Variants in ANKRD9 observed in about 807,000 individuals in gnomAD.
ANKRD9 encodes ankyrin repeat domain 9.
Under a neutral mutation model 19.2 loss-of-function variants are expected in ANKRD9, and 13 were observed. That is an observed-to-expected ratio of 0.68 (90% CI 0.44 to 1.08). The LOEUF (loss-of-function observed/expected upper bound fraction) is 1.08, where lower values mean the gene tolerates loss of function less well. Among genes scored for constraint, ANKRD9 ranks in the 50% least tolerant of loss-of-function variants. The probability of loss-of-function intolerance (pLI) is 0.00; values close to 1 mark genes in which losing one functional copy is unlikely to be tolerated. For synonymous variants in ANKRD9, 278 were observed against 256.8 expected, an observed-to-expected ratio of 1.08 and a Z score of -0.79; for missense variants, 518 against 499.9, an observed-to-expected ratio of 1.04 and a Z score of -0.34.
In ANKRD9 at chr14:102,503,402, G is replaced by C. The variant is rs1891499835; in HGVS notation, c.*3534C>G. 1.4e-5 allele frequency: 2 copies of C among 148,046 alleles called. No individual in the cohort carries two copies. 9.2% of individuals were successfully genotyped at this position (148,046 alleles called of 1,614,324 possible). A position where few individuals can be genotyped will look rare whatever the true frequency, so the allele number is the denominator to read the frequency against. ...GGGTTCAAGCAATTCTCCTGCCTCA[G>C]CCTCCTGAGTAGCTGGGAGTACAGG... is the stretch of plus-strand genomic sequence containing the variant. On this transcript the variant is annotated 3_prime_UTR_variant, in exon 4 of 4. Coordinates refer to ENST00000286918, the MANE Select transcript of ANKRD9 (RefSeq NM_152326.4).
In ANKRD9 at chr14:102,503,617, CATGT is replaced by C. The variant is rs1327209823; in HGVS notation, c.*3315_*3318del. 1 of 152,156 alleles carries C rather than the reference CATGT, an allele frequency of 6.6e-6. No homozygotes were observed. The highest frequency in any genetic ancestry group is 1.5e-5 in the Non-Finnish European group (1 of 68,050). The allele number at this position is 152,156 out of a possible 1,614,324, so 9.4% of individuals were successfully genotyped here. A position where few individuals can be genotyped will look rare whatever the true frequency, so the allele number is the denominator to read the frequency against. ...TCTTGATTGCAGTGGTGATTACACA[CATGT>C]AGACATTCATCAGAACTCATCAAAG... On this transcript the variant is annotated 3_prime_UTR_variant, in exon 4 of 4. Transcript: ENST00000286918.
rs1177298838 is a variant in ANKRD9 at position 102,502,239 on chromosome 14, AG to A, written c.*4696del. On this transcript the variant is annotated 3_prime_UTR_variant, in exon 4 of 4. Coordinates refer to ENST00000286918, the MANE Select transcript of ANKRD9 (RefSeq NM_152326.4). ...AGAGGGAGAAAGGGAGAGAAGGGGG[AG>A]GGAGACAACCCAAACGTTGGAGGGT... 2 of 152,536 alleles carry A rather than the reference AG, an allele frequency of 1.3e-5. No individual in the cohort carries two copies. The highest frequency in any genetic ancestry group is 4.8e-5 in the African/African-American group (2 of 41,444). 9.4% of individuals were successfully genotyped at this position (152,536 alleles called of 1,614,324 possible). A position where few individuals can be genotyped will look rare whatever the true frequency, so the allele number is the denominator to read the frequency against.
In ANKRD9 at chr14:102,508,896, T is replaced by G. The variant is rs889962627; in HGVS notation, c.-334-50A>C. ...CAGTTTGGGCTCATTCCAGAATTGG[T>G]GGGGACCCCCAACCCACAGGCAATC... is the stretch of plus-strand genomic sequence containing the variant. On this transcript the variant is annotated intron_variant, in intron 1 of 3. Transcript: ENST00000286918. The surrounding 1 kb of genome is among the most constrained non-coding windows in gnomAD (Gnocchi z 6.2). 28 of 152,168 alleles carry G rather than the reference T, an allele frequency of 1.8e-4. No homozygotes were observed. The highest frequency in any genetic ancestry group is 6.5e-4 in the African/African-American group (27 of 41,404). 9.4% of individuals were successfully genotyped at this position (152,168 alleles called of 1,614,324 possible). A position where few individuals can be genotyped will look rare whatever the true frequency, so the allele number is the denominator to read the frequency against.
chr14:102,506,917 C>A lies in ANKRD9; in HGVS notation c.*19G>T, dbSNP rs1462229585. 2 of 1,460,252 alleles carry A rather than the reference C, an allele frequency of 1.4e-6. No individual in the cohort carries two copies. The highest frequency in any genetic ancestry group is 1.8e-6 in the Non-Finnish European group (2 of 1,105,528). The allele number at this position is 1,460,252 out of a possible 1,614,324, so 90.5% of individuals were successfully genotyped here. On this transcript the variant is annotated 3_prime_UTR_variant, in exon 4 of 4. Transcript: ENST00000286918. ...AAAATAGTTTTGTCCCAAAATCCAG[C>A]GCCTAGGGTGCTCCGGGCCTAGCCT...
At position 102,505,141 on chromosome 14, in the gene ANKRD9, T is replaced by G. The variant is rs963642864; in HGVS notation, c.*1795A>C. 1 of 152,408 alleles carries G rather than the reference T, an allele frequency of 6.6e-6. No homozygotes were observed. Among genetic ancestry groups the G allele is most frequent in the African/African-American group, 2.4e-5 (1 of 41,424 alleles). The allele number at this position is 152,408 out of a possible 1,614,324, so 9.4% of individuals were successfully genotyped here. ...TGGGGAGACATGAAGTCTGCACATCTAGACCCCAGTGAGGAGCCCAGGCTT... is the reference window on the plus strand; with the variant it reads ...TGGGGAGACATGAAGTCTGCACATCGAGACCCCAGTGAGGAGCCCAGGCTT... On this transcript the variant is annotated 3_prime_UTR_variant, in exon 4 of 4. Transcript: ENST00000286918.
At position 102,506,377 on chromosome 14, in the gene ANKRD9, G is replaced by A. The variant is rs1432182380; in HGVS notation, c.*559C>T. 1 of 152,422 alleles carries A rather than the reference G, an allele frequency of 6.6e-6. No homozygotes were observed. Among genetic ancestry groups the A allele is most frequent in the African/African-American group, 2.4e-5 (1 of 41,458 alleles). The allele number at this position is 152,422 out of a possible 1,614,324, so 9.4% of individuals were successfully genotyped here. Reference sequence around the variant, plus strand: ...GGGTGGGCTGCCTGTCAGGGGGAGTGATATCCAAGGAGGAACTGGTGGTCA... The same window carrying A: ...GGGTGGGCTGCCTGTCAGGGGGAGTAATATCCAAGGAGGAACTGGTGGTCA... On this transcript the variant is annotated 3_prime_UTR_variant, in exon 4 of 4. Coordinates refer to ENST00000286918, the MANE Select transcript of ANKRD9 (RefSeq NM_152326.4).
At position 102,508,399 on chromosome 14, in the gene ANKRD9, C is replaced by T. The variant is rs1266684741; in HGVS notation, c.-54+76G>A. ...CCAAGCGCAACCCTGACCCTGATCTCCGACCCCAGACCACTTGGAGGCCCC... is the reference window on the plus strand; with the variant it reads ...CCAAGCGCAACCCTGACCCTGATCTTCGACCCCAGACCACTTGGAGGCCCC... On this transcript the variant is annotated intron_variant, in intron 3 of 3. Transcript: ENST00000286918. The surrounding 1 kb of genome is among the most constrained non-coding windows in gnomAD (Gnocchi z 6.2). 6.6e-6 allele frequency: 1 copy of T among 152,306 alleles called. No individual in the cohort carries two copies. The highest frequency in any genetic ancestry group is 2.4e-5 in the African/African-American group (1 of 41,444). 9.4% of individuals were successfully genotyped at this position (152,306 alleles called of 1,614,324 possible).
rs1891526091 is a variant in ANKRD9 at position 102,504,328 on chromosome 14, A to G, written c.*2608T>C. 1 of 153,210 alleles carries G rather than the reference A, an allele frequency of 6.5e-6. No homozygotes were observed. Among genetic ancestry groups the G allele is most frequent in the Non-Finnish European group, 1.5e-5 (1 of 68,040 alleles). The allele number at this position is 153,210 out of a possible 1,614,324, so 9.5% of individuals were successfully genotyped here. A position where few individuals can be genotyped will look rare whatever the true frequency, so the allele number is the denominator to read the frequency against. ...AACCAAGGTGCTTCACCCCCCAAAA[A>G]AGTGAGTTTTGTTCTGCGTGGAGCG... is the stretch of plus-strand genomic sequence containing the variant. On this transcript the variant is annotated 3_prime_UTR_variant, in exon 4 of 4. Transcript: ENST00000286918.
Position 102,508,064 on chromosome 14 carries a change from C to A in ANKRD9, c.-53-122G>T. 1.7e-6 allele frequency: 1 copy of A among 597,798 alleles called. No individual in the cohort carries two copies. Among genetic ancestry groups the A allele is most frequent in the Non-Finnish European group, 2.2e-6 (1 of 459,624 alleles). 37.0% of individuals were successfully genotyped at this position (597,798 alleles called of 1,614,324 possible). On this transcript the variant is annotated intron_variant, in intron 3 of 3. Coordinates refer to ENST00000286918, the MANE Select transcript of ANKRD9 (RefSeq NM_152326.4). The surrounding 1 kb of genome is among the most constrained non-coding windows in gnomAD (Gnocchi z 6.2). The stretch of plus-strand genomic sequence containing the variant: ...CACCAGGCCTGTACCTACCTCCAGC[C>A]TCGGCCAGGCCCTTCCAGTCACCCT...
Position 102,506,796 on chromosome 14 carries a change from A to G in ANKRD9, c.*140T>C. 8.3e-7 allele frequency: 1 copy of G among 1,198,456 alleles called. No individual in the cohort carries two copies. The highest frequency in any genetic ancestry group is 1.1e-6 in the Non-Finnish European group (1 of 948,302). The allele number at this position is 1,198,456 out of a possible 1,614,324, so 74.2% of individuals were successfully genotyped here. On this transcript the variant is annotated 3_prime_UTR_variant, in exon 4 of 4. Transcript: ENST00000286918. Reference sequence around the variant, plus strand: ...AAACCTGCCACTTGGAACTCACCTGACCATCCAAGCCCAGCCCCCAGTGCA... The same window carrying G: ...AAACCTGCCACTTGGAACTCACCTGGCCATCCAAGCCCAGCCCCCAGTGCA...
rs888388064 is a variant in ANKRD9, at chr14:102,508,108, C to T, written c.-53-166G>A. On this transcript the variant is annotated intron_variant, in intron 3 of 3. Coordinates refer to ENST00000286918, the MANE Select transcript of ANKRD9 (RefSeq NM_152326.4). The surrounding 1 kb of genome is among the most constrained non-coding windows in gnomAD (Gnocchi z 6.2). The stretch of plus-strand genomic sequence containing the variant: ...TCACCCTACAGCTCCATCTCTCCGA[C>T]GCCCAGAACCACCGCCTCCATCCTT... Among the ~76,000 whole-genome samples the T allele has an allele frequency of 1.3e-5, 2 of 152,144 alleles. No individual in the cohort carries two copies. The highest frequency in any genetic ancestry group is 1.5e-5 in the Non-Finnish European group (1 of 68,006).
In ANKRD9 at chr14:102,507,207, C is replaced by T; in HGVS notation, c.683G>A (p.Arg228His). Residue 228 changes from arginine to histidine, a missense_variant, in exon 4 of 4, where the codon CGC (arginine) becomes CAC (histidine). Transcript: ENST00000286918. This position sits in a 1 kb window ranked among gnomAD's most constrained non-coding sequence, Gnocchi z 9.2. ...ASAPGEPRQR[R>H]LLLLDLLALY... is the part of the protein sequence containing the mutation. The stretch of plus-strand genomic sequence containing the variant: ...CGCCAGGAGGTCCAGCAGCAGCAGG[C>T]GGCGCTGGCGCGGCTCCCCGGGAGC... 7.7e-7 allele frequency: 1 copy of T among 1,293,296 alleles called. No homozygotes were observed. The highest frequency in any genetic ancestry group is 9.8e-7 in the Non-Finnish European group (1 of 1,022,898). 80.1% of individuals were successfully genotyped at this position (1,293,296 alleles called of 1,614,324 possible).
Position 102,502,524 on chromosome 14 carries a change from A to G in ANKRD9, c.*4412T>C, listed in dbSNP as rs1443523316. 6.6e-6 allele frequency: 1 copy of G among 152,646 alleles called. No individual in the cohort carries two copies. Among genetic ancestry groups the G allele is most frequent in the Non-Finnish European group, 1.5e-5 (1 of 68,042 alleles). 9.5% of individuals were successfully genotyped at this position (152,646 alleles called of 1,614,324 possible). ...TTTGTTATCAAGGCTGGTTGAGTCAAATATCACAAAGTAGACACCAATGAC... is the reference window on the plus strand; with the variant it reads ...TTTGTTATCAAGGCTGGTTGAGTCAGATATCACAAAGTAGACACCAATGAC... On this transcript the variant is annotated 3_prime_UTR_variant, in exon 4 of 4. Coordinates refer to ENST00000286918, the MANE Select transcript of ANKRD9 (RefSeq NM_152326.4).
Position 102,508,081 on chromosome 14 carries a change from A to G in ANKRD9, c.-53-139T>C. The G allele has an allele frequency of 2.3e-6, 1 of 434,718 alleles. No homozygotes were observed. The highest frequency in any genetic ancestry group is 3.2e-6 in the Non-Finnish European group (1 of 311,694). The allele number at this position is 434,718 out of a possible 1,614,324, so 26.9% of individuals were successfully genotyped here. A position where few individuals can be genotyped will look rare whatever the true frequency, so the allele number is the denominator to read the frequency against. On this transcript the variant is annotated intron_variant, in intron 3 of 3. Coordinates refer to ENST00000286918, the MANE Select transcript of ANKRD9 (RefSeq NM_152326.4). This position sits in a 1 kb window ranked among gnomAD's most constrained non-coding sequence, Gnocchi z 6.2. ...CCTCCAGCCTCGGCCAGGCCCTTCC[A>G]GTCACCCTACAGCTCCATCTCTCCG...
In ANKRD9 at chr14:102,502,488, TCTAA is replaced by T. The variant is rs1257336795; in HGVS notation, c.*4444_*4447del. ...TTTACATTTTAAAAATTCAGTTGTC[TCTAA>T]CTACTCTTTGTTATCAAGGCTGGTT... On this transcript the variant is annotated 3_prime_UTR_variant, in exon 4 of 4. Transcript: ENST00000286918. 6.6e-6 allele frequency: 1 copy of T among 152,628 alleles called. No homozygotes were observed. Among genetic ancestry groups the T allele is most frequent in the African/African-American group, 2.4e-5 (1 of 41,450 alleles). The allele number at this position is 152,628 out of a possible 1,614,324, so 9.5% of individuals were successfully genotyped here.
Position 102,507,507 on chromosome 14 carries a change from A to G in ANKRD9, c.383T>C (p.Ile128Thr). The change falls in exon 4 of 4, where the codon ATT becomes ACT. Residue 128 changes from isoleucine (I) to threonine (T), a missense_variant. Transcript: ENST00000286918. This position sits in a 1 kb window ranked among gnomAD's most constrained non-coding sequence, Gnocchi z 9.2. Reference protein sequence around the residue: ...ALAVRYNRVGILRRILRTLRD... With the variant: ...ALAVRYNRVGTLRRILRTLRD... ...CAAGGTGCGCAGGATGCGGCGCAGAATGCCCACGCGGTTGTAGCGCACTGC... is the reference window on the plus strand; with the variant it reads ...CAAGGTGCGCAGGATGCGGCGCAGAGTGCCCACGCGGTTGTAGCGCACTGC... 2 of 1,371,892 alleles carry G rather than the reference A, an allele frequency of 1.5e-6. No homozygotes were observed. The highest frequency in any genetic ancestry group is 1.9e-6 in the Non-Finnish European group (2 of 1,060,992). The allele number at this position is 1,371,892 out of a possible 1,614,324, so 85.0% of individuals were successfully genotyped here.
Position 102,507,938 on chromosome 14 carries a change from C to T in ANKRD9, c.-49G>A. The T allele has an allele frequency of 9.1e-7, 1 of 1,096,596 alleles. No homozygotes were observed. The highest frequency in any genetic ancestry group is 4.4e-5 in the South Asian group (1 of 22,640). The allele number at this position is 1,096,596 out of a possible 1,614,324, so 67.9% of individuals were successfully genotyped here. ...CCTCAAGGCATGGATCCCGCGAAGGCACACCTGCGGGGAAAGGAAGAGGCC... is the reference window on the plus strand; with the variant it reads ...CCTCAAGGCATGGATCCCGCGAAGGTACACCTGCGGGGAAAGGAAGAGGCC... On this transcript the variant is annotated 5_prime_UTR_variant, in exon 4 of 4. Coordinates refer to ENST00000286918, the MANE Select transcript of ANKRD9 (RefSeq NM_152326.4). This position sits in a 1 kb window ranked among gnomAD's most constrained non-coding sequence, Gnocchi z 9.2.
At position 102,503,100 on chromosome 14, in the gene ANKRD9, C is replaced by A. The variant is rs1891487876; in HGVS notation, c.*3836G>T. On this transcript the variant is annotated 3_prime_UTR_variant, in exon 4 of 4. Transcript: ENST00000286918. ...TGGTGGCCAGCGCCTGTAATCCCAG[C>A]TACTCCAGAGGCTGAGGCAGGAGAA... 1 of 151,714 alleles carries A rather than the reference C, an allele frequency of 6.6e-6. No homozygotes were observed. The highest frequency in any genetic ancestry group is 3.2e-3 in the Middle Eastern group (1 of 316). The allele number at this position is 151,714 out of a possible 1,614,324, so 9.4% of individuals were successfully genotyped here. A position where few individuals can be genotyped will look rare whatever the true frequency, so the allele number is the denominator to read the frequency against.
In ANKRD9 at chr14:102,507,075, C is replaced by A. The variant is rs1163364907; in HGVS notation, c.815G>T (p.Gly272Val). The change falls in exon 4 of 4, where the codon GGC becomes GTC. Residue 272 changes from glycine to valine, a missense_variant. By Grantham distance (109) the Gly-to-Val change is moderately radical. Coordinates refer to ENST00000286918, the MANE Select transcript of ANKRD9 (RefSeq NM_152326.4). This position sits in a 1 kb window ranked among gnomAD's most constrained non-coding sequence, Gnocchi z 9.2. ...LGEDKFQWLA[G>V]LAPPSLFARA... ...CGCGAAGAGCGAGGGCGGCGCCAGGCCCGCCAGCCACTGGAACTTGTCCTC... is the reference window on the plus strand; with the variant it reads ...CGCGAAGAGCGAGGGCGGCGCCAGGACCGCCAGCCACTGGAACTTGTCCTC... The A allele has an allele frequency of 9.0e-6, 14 of 1,551,354 alleles. No individual in the cohort carries two copies. The highest frequency in any genetic ancestry group is 1.2e-5 in the Non-Finnish European group (14 of 1,158,266).
Sources: gnomAD v4.1 joint callset for allele counts (sites outside exome capture counted in the v4.1 genomes callset) on GRCh38, gnomAD v4.1.1 for gene constraint, Gnocchi (gnomAD v3.1) non-coding constraint, MANE v1.5 for transcripts, NCBI Gene and HGNC (gene_info 2026-07-23, HGNC 2026-07-21) for gene names.